Variants in EIF2B1 observed in about 807,000 individuals in gnomAD.
The protein encoded by EIF2B1 is eukaryotic translation initiation factor 2B subunit alpha, also known as translation initiation factor eIF2B subunit alpha.
Under a neutral mutation model 36.8 loss-of-function variants are expected in EIF2B1, and 30 were observed. The observed-to-expected ratio is 0.81, with a 90% CI of 0.61 to 1.10. EIF2B1 has a LOEUF of 1.10. Ranked by LOEUF, EIF2B1 falls within the 50% of genes least tolerant of loss-of-function variation. The pLI is 0.00. For synonymous variants in EIF2B1, 139 were observed against 142.2 expected (o/e 0.98, Z 0.16); for missense variants, 271 against 374.8 (o/e 0.72, Z 2.29).
chr12:123,627,188 A>C, intron 4 of EIF2B1, 32 bp from the exon 5 acceptor site: 1 of 1,554,860 alleles, frequency 6.4e-7, no homozygotes, highest in Non-Finnish European at 8.9e-7. Flanking sequence ...TCAAAGGGGC[A>C]GGCTCCTTGC....
At chr12:123,629,520 G>A (rs1173184889) in intron 4 of EIF2B1, among the ~76,000 whole-genome samples, 1 of 152,200 alleles carries the variant, frequency 6.6e-6, no homozygotes, top group Non-Finnish European at 1.5e-5. Context: ...AGGGCCAGGT[G>A]CGGTGGCTCA....
At chr12:123,632,243 G>C (rs1955196688) in intron 2 of EIF2B1, 102 bp downstream of exon 2, 1 of 834,250 alleles carries the variant, frequency 1.2e-6, no homozygotes, top group African/African-American at 1.7e-5. Flanking sequence ...ACTCCAGCCT[G>C]GGTGACAGAG....
At chr12:123,623,267 T>C (rs1347571617) in intron 7 of EIF2B1, among the ~76,000 whole-genome samples, 1 of 151,842 alleles carries the variant, frequency 6.6e-6, no homozygotes, top group East Asian at 1.9e-4. Context: ...GTGCCTGTAA[T>C]CCCAGCTACT....
At chr12:123,622,001 T>G in intron 8 of EIF2B1, 81 bp from the exon 9 acceptor site, 2 of 1,558,100 alleles carry the variant, frequency 1.3e-6, no homozygotes, top group Non-Finnish European at 1.7e-6. Context: ...GTGATCAGTG[T>G]GCTACTTCCT....
Position 123,622,713 on chromosome 12 carries a change from A to G in EIF2B1, c.676T>C (p.Phe226Leu). The G allele has an allele frequency of 6.2e-7, 1 of 1,614,174 alleles. No individual in the cohort carries two copies. The highest frequency in any genetic ancestry group is 8.5e-7 in the Non-Finnish European group (1 of 1,180,006). ...TTGAAACTTTCTGCAACCACATAGA[A>G]AGGTTTGTTCTGTGCTTTGGCACAC... is the stretch of plus-strand genomic sequence containing the variant. ...AVCAKAQNKP[F>L]YVVAESFKFV... The change falls in exon 8 of 9, where the codon TTC (phenylalanine) becomes CTC (leucine). Residue 226 changes from phenylalanine to leucine, a missense_variant. By Grantham distance (22) the Phe-to-Leu change is conservative. Coordinates refer to ENST00000424014, the MANE Select transcript of EIF2B1 (RefSeq NM_001414.4).
intron 4 of EIF2B1, among the ~76,000 whole-genome samples, chr12:123,627,844 ACT>A (rs1368048342): frequency 1.3e-5 from 2 of 151,944 alleles, no homozygotes; most frequent in African/African-American, 2.4e-5. Context: ...AGAGAGTGAG[ACT>A]CTGTCTCAAA....
At position 123,630,139 on chromosome 12, in the gene EIF2B1, T is replaced by C. The variant is rs1339775695; in HGVS notation, c.369+30A>G. The C allele has an allele frequency of 1.2e-6, 2 of 1,603,372 alleles. No individual in the cohort carries two copies. Among genetic ancestry groups the C allele is most frequent in the African/African-American group, 1.3e-5 (1 of 74,822 alleles). ...CAGTCGGACTCGAAACCGTTGCTCCTCCTTACCACCATGATGATTATCCAC... is the reference window on the plus strand; with the variant it reads ...CAGTCGGACTCGAAACCGTTGCTCCCCCTTACCACCATGATGATTATCCAC... On this transcript the variant is annotated intron_variant, in intron 4 of 8. Transcript: ENST00000424014. This position sits in a 1 kb window ranked among gnomAD's most constrained non-coding sequence, Gnocchi z 4.6.
At chr12:123,629,560 G>A (rs936661572) in intron 4 of EIF2B1, among the ~76,000 whole-genome samples, 2 of 152,166 alleles carry the variant, frequency 1.3e-5, no homozygotes, top group Non-Finnish European at 2.9e-5. Flanking sequence ...TTGGGAGGCC[G>A]AAGCGGGTGG....
At chr12:123,622,501 ATTTATC>A in intron 8 of EIF2B1, 129 bp downstream of exon 8, 1 of 1,283,776 alleles carries the variant, frequency 7.8e-7, no homozygotes, top group South Asian at 1.2e-5. Flanking sequence ...CCAATCACCA[ATTTATC>A]TTTGTATTCC....
chr12:123,628,292 C>T (rs1955162901), intron 4 of EIF2B1, among the ~76,000 whole-genome samples: 1 of 151,650 alleles, frequency 6.6e-6, no homozygotes, highest in Non-Finnish European at 1.5e-5. Context: ...AATTCCTGGC[C>T]TCAAGGGAAC....
At chr12:123,626,860 T>G (rs1223483782) in intron 5 of EIF2B1, 184 bp downstream of exon 5, 1 of 714,178 alleles carries the variant, frequency 1.4e-6, no homozygotes, top group Non-Finnish European at 2.5e-6. Context: ...CCCTAGATCA[T>G]ATACTGCGGC....
At position 123,621,776 on chromosome 12, in the gene EIF2B1, G is replaced by C; in HGVS notation, c.898C>G (p.Leu300Val). The C allele has an allele frequency of 6.2e-7, 1 of 1,613,746 alleles. No homozygotes were observed. The highest frequency in any genetic ancestry group is 8.5e-7 in the Non-Finnish European group (1 of 1,180,022). ...VLTPSAVSDELIKLYL is the reference protein window; with the variant it reads ...VLTPSAVSDEVIKLYL ...ACAGGTTACAGATAGAGCTTGATGA[G>C]CTCATCGCTGACTGCTGAGGGTGTC... is the stretch of plus-strand genomic sequence containing the variant. Residue 300 changes from leucine to valine, a missense_variant, in exon 9 of 9, where the codon CTC (leucine) becomes GTC (valine). Leu to Val is a conservative substitution (Grantham distance 32, BLOSUM62 1). Coordinates refer to ENST00000424014, the MANE Select transcript of EIF2B1 (RefSeq NM_001414.4).
intron 7 of EIF2B1, among the ~76,000 whole-genome samples, chr12:123,623,942 T>G (rs758173445): frequency 6.6e-6 from 1 of 151,828 alleles, no homozygotes; most frequent in Non-Finnish European, 1.5e-5. Context: ...CTTTGGGAAG[T>G]GGAAAGATTG....
At chr12:123,627,236 C>T (rs1955156141) in intron 4 of EIF2B1, 80 bp from the exon 5 acceptor site, 10 of 1,064,596 alleles carry the variant, frequency 9.4e-6, no homozygotes, top group East Asian at 2.4e-5. Flanking sequence ...CACGTGTTCC[C>T]GACACCCTAA....
intron 7 of EIF2B1, among the ~76,000 whole-genome samples, chr12:123,623,198 A>C (rs567966218): frequency 6.6e-6 from 1 of 151,908 alleles, no homozygotes. Flanking sequence ...TGGCCAATAT[A>C]GGGAAACCCC....
At chr12:123,625,139 A>C (rs557774815) in intron 6 of EIF2B1, among the ~76,000 whole-genome samples, 1 of 152,342 alleles carries the variant, frequency 6.6e-6, no homozygotes, top group South Asian at 2.1e-4. Context: ...CTGACACAGC[A>C]GTCTTCCTTC....
chr12:123,632,474 C>G (rs749090809), intron 1 of EIF2B1, 28 bp from the exon 2 acceptor site: 6 of 1,496,176 alleles, frequency 4.0e-6, no homozygotes, highest in African/African-American at 1.4e-5. Flanking sequence ...AGTGATTCAC[C>G]TAATTCATTT....
intron 7 of EIF2B1, 60 bp from the exon 8 acceptor site, chr12:123,622,821 G>A: frequency 6.2e-7 from 1 of 1,607,850 alleles, no homozygotes; most frequent in Non-Finnish European, 8.5e-7. Context: ...AGAAGCCACA[G>A]AAAAGCGGGC....
Position 123,620,578 on chromosome 12 carries a change from T to TA in EIF2B1, c.*1177dup, listed in dbSNP as rs1955053923. The TA allele has an allele frequency of 1.2e-4, 10 of 80,702 alleles. No individual in the cohort carries two copies. The highest frequency in any genetic ancestry group is 1.1e-3 in the East Asian group (2 of 1,864). 5.0% of individuals were successfully genotyped at this position (80,702 alleles called of 1,614,324 possible). On this transcript the variant is annotated 3_prime_UTR_variant, in exon 9 of 9. Transcript: ENST00000424014. The stretch of plus-strand genomic sequence containing the variant: ...TGGGTCACATATAGACATATGTACA[T>TA]ATTATATATATATATATATATATAT...
Sources: gnomAD v4.1 joint callset for allele counts (sites outside exome capture counted in the v4.1 genomes callset) on GRCh38, gnomAD v4.1.1 for gene constraint, Gnocchi (gnomAD v3.1) non-coding constraint, MANE v1.5 for transcripts, NCBI Gene and HGNC (gene_info 2026-07-23, HGNC 2026-07-21) for gene names.